Variants in ADK observed in about 807,000 individuals in gnomAD.
ADK encodes N6,N6-dimethyladenosine kinase.
ADK carries 24 observed loss-of-function variants against 44.7 expected under a neutral mutation model. That is an observed-to-expected ratio of 0.54 (90% CI 0.39 to 0.76). The LOEUF is 0.76. Among genes scored for constraint, ADK ranks in the 30% least tolerant of loss-of-function variants. The pLI is 0.00. For missense variants in ADK, 321 were observed against 425.1 expected (o/e 0.76, Z 2.15); for synonymous variants, 128 against 142.6 (o/e 0.90, Z 0.73).
At chr10:74,512,166 C>G (rs867193017) in intron 6 of ADK, among the ~76,000 whole-genome samples, 11 of 152,184 alleles carry the variant, frequency 7.2e-5, no homozygotes, top group Middle Eastern at 6.8e-3. Context: ...TGCTCATAAT[C>G]TTTTTGAGAC....
At chr10:74,176,850 G>C in intron 1 of ADK, 1 of 1,607,726 alleles carries the variant, frequency 6.2e-7, no homozygotes, top group Non-Finnish European at 8.5e-7. Context: ...GGGCGCCGTG[G>C]CGCTGGGCAG....
At chr10:74,655,739 G>C (rs1273743764) in intron 9 of ADK, 7 of 485,380 alleles carry the variant, frequency 1.4e-5, no homozygotes, top group East Asian at 5.2e-5. Flanking sequence ...AGGAATTGCT[G>C]TTCCTCCAGT....
intron 4 of ADK, among the ~76,000 whole-genome samples, chr10:74,335,360 G>T (rs1026402359): frequency 3.9e-5 from 6 of 152,144 alleles, no homozygotes; most frequent in African/African-American, 1.4e-4. Context: ...ATGGAATCAT[G>T]TTGTGCATAG....
chr10:74,595,619 G>A (rs1166286880), intron 8 of ADK, among the ~76,000 whole-genome samples: 4 of 150,810 alleles, frequency 2.7e-5, no homozygotes, highest in African/African-American at 4.9e-5. Flanking sequence ...CTCATGATCC[G>A]CCCGCCTCCG....
chr10:74,498,563 A>G (rs899855962), intron 6 of ADK, among the ~76,000 whole-genome samples: 1 of 152,220 alleles, frequency 6.6e-6, no homozygotes, highest in Non-Finnish European at 1.5e-5. Flanking sequence ...TTTAGGGTAC[A>G]TGTGCACAAC....
rs1592071444 is a variant in ADK, at chr10:74,341,987, G to A, written c.273+27242G>A. Among the ~76,000 whole-genome samples, 4 of 151,788 alleles carry A rather than the reference G, an allele frequency of 2.6e-5. No individual in the cohort carries two copies. The Middle Eastern group carries it at 0.01, about 387-fold the overall frequency. ...CTTCTTCCCATAAGGAAATTAAATTGTTCTTTGTTTTCATGCTAAGTAGCA... is the reference window on the plus strand; with the variant it reads ...CTTCTTCCCATAAGGAAATTAAATTATTCTTTGTTTTCATGCTAAGTAGCA... On this transcript the variant is annotated intron_variant, in intron 4 of 10. Transcript: ENST00000539909.
chr10:74,516,487 G>A (rs1848582693), intron 6 of ADK, among the ~76,000 whole-genome samples: 1 of 151,668 alleles, frequency 6.6e-6, no homozygotes, highest in South Asian at 2.1e-4. Flanking sequence ...CAGCCATCTT[G>A]CTGATGTTAC....
intron 6 of ADK, among the ~76,000 whole-genome samples, chr10:74,463,809 T>A (rs185851313): frequency 1.3e-5 from 2 of 152,338 alleles, no homozygotes; most frequent in Admixed American, 1.3e-4. Flanking sequence ...GTCTTTTTTT[T>A]ACGTCTTTCT....
Position 74,394,778 on chromosome 10 carries a change from A to C in ADK, c.446+465A>C, listed in dbSNP as rs117736574. 8.5e-5 allele frequency among the ~76,000 whole-genome samples: 13 copies of C among 152,360 alleles called. No individual in the cohort carries two copies. The East Asian group carries it at 2.5e-3, about 29-fold the overall frequency. ...ACATTCAGGCTCGTAAGACTTAGTC[A>C]TCTAAATGGTCATCTAAACCATTTC... On this transcript the variant is annotated intron_variant, in intron 5 of 10. Transcript: ENST00000539909.
chr10:74,407,543 A>G (rs1843993697), intron 6 of ADK, among the ~76,000 whole-genome samples: 1 of 152,034 alleles, frequency 6.6e-6, no homozygotes, highest in African/African-American at 2.4e-5. Context: ...TTACCTGGGT[A>G]TTCATTGTTT....
chr10:74,602,069 C>T (rs556262800), intron 9 of ADK, among the ~76,000 whole-genome samples: 6 of 140,534 alleles, frequency 4.3e-5, no homozygotes, highest in Admixed American at 2.2e-4. Context: ...CTCTCCACTG[C>T]ACCCCAGCAT....
chr10:74,238,855 G>C (rs976565311), intron 3 of ADK, among the ~76,000 whole-genome samples: 5 of 86,522 alleles, frequency 5.8e-5, no homozygotes, highest in Non-Finnish European at 1.1e-4. Flanking sequence ...TTTAGCTAGT[G>C]CTTTTTTTTT....
At chr10:74,307,881 T>A (rs997797570) in intron 3 of ADK, among the ~76,000 whole-genome samples, 15 of 152,182 alleles carry the variant, frequency 9.9e-5, no homozygotes, top group African/African-American at 3.4e-4. Context: ...GGGGTGATGC[T>A]CTAGGTTTAC....
At chr10:74,531,879 A>G (rs1402988052) in intron 7 of ADK, among the ~76,000 whole-genome samples, 3 of 152,194 alleles carry the variant, frequency 2.0e-5, no homozygotes, top group African/African-American at 7.2e-5. Flanking sequence ...TACCAATTGT[A>G]TACAAACTGT....
chr10:74,479,629 C>T (rs868868091), intron 6 of ADK, among the ~76,000 whole-genome samples: 4 of 151,748 alleles, frequency 2.6e-5, no homozygotes, highest in Admixed American at 6.6e-5. Flanking sequence ...TTTATTATCT[C>T]TGCTGTTTTT....
chr10:74,469,567 T>C (rs977127698), intron 6 of ADK, among the ~76,000 whole-genome samples: 2 of 152,142 alleles, frequency 1.3e-5, no homozygotes, highest in Admixed American at 1.3e-4. Flanking sequence ...TTTTGCCATG[T>C]TGCCCAGGCT....
At chr10:74,158,722 A>T (rs1043820298) in intron 1 of ADK, among the ~76,000 whole-genome samples, 1 of 152,222 alleles carries the variant, frequency 6.6e-6, no homozygotes, top group Non-Finnish European at 1.5e-5. Flanking sequence ...TACTTTTAAA[A>T]GTTGGCTACT....
intron 2 of ADK, among the ~76,000 whole-genome samples, chr10:74,203,638 G>A (rs1843478905): frequency 6.6e-6 from 1 of 152,038 alleles, no homozygotes; most frequent in Admixed American, 6.6e-5. Context: ...GCCTCCCAAA[G>A]TGCTGGGATT....
chr10:74,240,914 A>G (rs767737580), intron 3 of ADK, among the ~76,000 whole-genome samples: 11 of 152,154 alleles, frequency 7.2e-5, no homozygotes, highest in Non-Finnish European at 1.3e-4. Flanking sequence ...ACTTCTTTTT[A>G]TTGCTGATTT....
Sources: gnomAD v4.1 joint callset for allele counts (sites outside exome capture counted in the v4.1 genomes callset) on GRCh38, gnomAD v4.1.1 for gene constraint, MANE v1.5 for transcripts, NCBI Gene and HGNC (gene_info 2026-07-23, HGNC 2026-07-21) for gene names.